Variants in HS3ST5 observed in about 807,000 individuals in gnomAD.
The protein encoded by HS3ST5 is heparan sulfate glucosamine 3-O-sulfotransferase 5.
Under a neutral mutation model 25.4 loss-of-function variants are expected in HS3ST5, and 10 were observed. The ratio of observed to expected loss-of-function variants is 0.39; its 90% confidence interval spans 0.24 to 0.67. HS3ST5 has a LOEUF of 0.67. Among genes scored for constraint, HS3ST5 ranks in the 30% least tolerant of loss-of-function variants. The pLI is 0.44. For missense variants in HS3ST5, 324 were observed against 420.7 expected (o/e 0.77, Z 2.01); for synonymous variants, 170 against 162.4 (o/e 1.05, Z -0.36).
chr6:114,137,160 C>G (rs1777658612), intron 3 of HS3ST5, among the ~76,000 whole-genome samples: 1 of 152,128 alleles, frequency 6.6e-6, no homozygotes, highest in Non-Finnish European at 1.5e-5. Context: ...AGAATTATCT[C>G]TTCTTGAATA....
At chr6:114,172,960 A>G (rs1488756639) in intron 2 of HS3ST5, among the ~76,000 whole-genome samples, 1 of 149,598 alleles carries the variant, frequency 6.7e-6, no homozygotes, top group Non-Finnish European at 1.5e-5. Flanking sequence ...TTTGGAATAT[A>G]AAAAAAAGTA....
At chr6:114,179,578 A>G (rs1410412031) in intron 2 of HS3ST5, among the ~76,000 whole-genome samples, 1 of 152,030 alleles carries the variant, frequency 6.6e-6, no homozygotes, top group African/African-American at 2.4e-5. Context: ...TGCTTAGTCA[A>G]TGACTCTGTT....
At chr6:114,304,201 G>A (rs918960255) in intron 1 of HS3ST5, among the ~76,000 whole-genome samples, 3 of 152,112 alleles carry the variant, frequency 2.0e-5, no homozygotes, top group Admixed American at 6.6e-5. Flanking sequence ...CAGTTAGAAA[G>A]ATGAAAAAGA....
At chr6:114,277,482 A>G (rs754094057) in intron 1 of HS3ST5, among the ~76,000 whole-genome samples, 5 of 150,690 alleles carry the variant, frequency 3.3e-5, no homozygotes, top group Non-Finnish European at 5.9e-5. Context: ...ACTGCTGCTT[A>G]CAACAGAAGT....
At chr6:114,107,376 G>C (rs979316160) in intron 3 of HS3ST5, among the ~76,000 whole-genome samples, 2 of 152,118 alleles carry the variant, frequency 1.3e-5, no homozygotes, top group African/African-American at 4.8e-5. Flanking sequence ...ATGAGAAATT[G>C]AAGGGAATTT....
intron 3 of HS3ST5, among the ~76,000 whole-genome samples, chr6:114,119,385 A>G (rs974185319): frequency 1.3e-5 from 2 of 152,194 alleles, no homozygotes; most frequent in African/African-American, 4.8e-5. Context: ...CCAGAAAATA[A>G]TGTGACCTTT....
chr6:114,216,123 G>C (rs1284311428), intron 2 of HS3ST5, among the ~76,000 whole-genome samples: 1 of 152,166 alleles, frequency 6.6e-6, no homozygotes, highest in African/African-American at 2.4e-5. Flanking sequence ...GAGGAAACAT[G>C]CCTAGTAGGG....
intron 3 of HS3ST5, among the ~76,000 whole-genome samples, chr6:114,076,661 G>T (rs1774156216): frequency 6.6e-6 from 1 of 152,168 alleles, no homozygotes; most frequent in African/African-American, 2.4e-5. Flanking sequence ...ACCAAGGGCA[G>T]CTGAGGAAAA....
chr6:114,323,101 A>T (rs147578942), intron 1 of HS3ST5, among the ~76,000 whole-genome samples: 123 of 152,282 alleles, frequency 8.1e-4, no homozygotes, highest in African/African-American at 2.9e-3. Flanking sequence ...ATGAATCTTT[A>T]AAGTCTTAAG....
At chr6:114,341,806 C>T (rs1776890560) in intron 1 of HS3ST5, among the ~76,000 whole-genome samples, 1 of 152,074 alleles carries the variant, frequency 6.6e-6, no homozygotes, top group African/African-American at 2.4e-5. Flanking sequence ...CCACAGCCAC[C>T]CCAGAAGTGA....
chr6:114,130,656 G>A (rs913302731), intron 3 of HS3ST5, among the ~76,000 whole-genome samples: 15 of 152,098 alleles, frequency 9.9e-5, no homozygotes, highest in Non-Finnish European at 1.3e-4. Context: ...TGCAAGCTCC[G>A]CCTCCTGGGT....
chr6:114,291,864 G>A (rs1582792507), intron 1 of HS3ST5, among the ~76,000 whole-genome samples: 1 of 152,182 alleles, frequency 6.6e-6, no homozygotes, highest in Middle Eastern at 3.4e-3. Flanking sequence ...TTTTTCACAC[G>A]TAAGAGAATA....
intron 2 of HS3ST5, among the ~76,000 whole-genome samples, chr6:114,190,843 T>C (rs1315455416): frequency 6.6e-6 from 1 of 152,210 alleles, no homozygotes; most frequent in Non-Finnish European, 1.5e-5. Context: ...GAATGCACCA[T>C]GTAGACTGAA....
intron 3 of HS3ST5, among the ~76,000 whole-genome samples, chr6:114,079,267 C>A (rs1774318458): frequency 6.6e-6 from 1 of 152,210 alleles, no homozygotes; most frequent in South Asian, 2.1e-4. Flanking sequence ...ATTTTAACCA[C>A]AGTAGAATTT....
At chr6:114,248,577 A>G (rs925988419) in intron 1 of HS3ST5, among the ~76,000 whole-genome samples, 2 of 152,162 alleles carry the variant, frequency 1.3e-5, no homozygotes, top group African/African-American at 4.8e-5. Context: ...CTGCTATACA[A>G]TTACTTCCTT....
chr6:114,081,476 A>G (rs1774447172), intron 3 of HS3ST5, among the ~76,000 whole-genome samples: 1 of 152,224 alleles, frequency 6.6e-6, no homozygotes. Context: ...CTTAGAAGAA[A>G]TGAAAGAGGT....
At chr6:114,262,168 T>C (rs147999061) in intron 1 of HS3ST5, among the ~76,000 whole-genome samples, 2 of 152,342 alleles carry the variant, frequency 1.3e-5, no homozygotes, top group African/African-American at 4.8e-5. Context: ...TAATATTGAA[T>C]CTATGAATTG....
At chr6:114,196,805 A>T (rs1158712830) in intron 2 of HS3ST5, among the ~76,000 whole-genome samples, 1 of 152,114 alleles carries the variant, frequency 6.6e-6, no homozygotes, top group Non-Finnish European at 1.5e-5. Flanking sequence ...GTTTTGAAAG[A>T]TTTTGTTTTT....
chr6:114,076,128 T>G (rs1420066270), intron 3 of HS3ST5, among the ~76,000 whole-genome samples: 1 of 152,358 alleles, frequency 6.6e-6, no homozygotes, highest in African/African-American at 2.4e-5. Flanking sequence ...TGAGGACATC[T>G]GCTCCTTCTG....
Sources: allele counts gnomAD v4.1 joint callset (sites outside exome capture counted in the v4.1 genomes callset), GRCh38; gene constraint gnomAD v4.1.1; transcripts MANE v1.5; gene names NCBI Gene and HGNC (gene_info 2026-07-23, HGNC 2026-07-21).